FER1L6: variants seen among roughly 807,000 people sequenced by gnomAD.
FER1L6 encodes the protein fer-1-like protein 6.
A neutral mutation model predicts 219.2 loss-of-function variants in FER1L6; 177 were observed. The observed-to-expected ratio is 0.81, with a 90% confidence interval of 0.71 to 0.91. FER1L6 has a LOEUF of 0.91. Ranked by LOEUF, FER1L6 falls within the 40% of genes least tolerant of loss-of-function variation. The pLI, the probability that FER1L6 is intolerant of heterozygous loss-of-function variation, is 0.00. For synonymous variants in FER1L6, 768 were observed against 824.3 expected (o/e 0.93, Z 1.17); for missense variants, 2,153 against 2,259.9 (o/e 0.95, Z 0.96).
chr8:123,989,941 G>A (rs1354796584), intron 12 of FER1L6, among the ~76,000 whole-genome samples: 1 of 152,148 alleles, frequency 6.6e-6, no homozygotes, highest in East Asian at 1.9e-4. Flanking sequence ...TAGTAGGATT[G>A]CTGGATTGAA....
intron 20 of FER1L6, among the ~76,000 whole-genome samples, chr8:124,041,025 C>T (rs1819463896): frequency 1.3e-5 from 2 of 152,208 alleles, no homozygotes; most frequent in Admixed American, 6.5e-5. Flanking sequence ...TGAAAGGATT[C>T]CTAATCAGCA....
intron 35 of FER1L6, among the ~76,000 whole-genome samples, chr8:124,096,462 C>T (rs1483743441): frequency 1.3e-5 from 2 of 152,184 alleles, no homozygotes; most frequent in African/African-American, 4.8e-5. Flanking sequence ...CCTGCCCCAT[C>T]ATCCCAACCC....
intron 33 of FER1L6, 68 bp from the exon 34 acceptor site, chr8:124,091,355 C>T: frequency 7.7e-7 from 1 of 1,306,428 alleles, no homozygotes; most frequent in Non-Finnish European, 1.1e-6. Flanking sequence ...CTGAAAGAAA[C>T]TGCACAGATC....
rs1026442347 is a variant in FER1L6, at chr8:123,944,310, T to C, written c.-7-11682T>C. Among the ~76,000 whole-genome samples the C allele has an allele frequency of 4.0e-5, 6 of 148,980 alleles. No homozygotes were observed. The Admixed American group carries it at 4.0e-4, about 10-fold the overall frequency. On this transcript the variant is annotated intron_variant, in intron 1 of 40. Transcript: ENST00000522917. ...TTATATATATTATATATTTAATATA[T>C]ATTTAACACATAAATTCATCCATTT...
chr8:124,092,048 T>A (rs1300544950), intron 34 of FER1L6, among the ~76,000 whole-genome samples: 1 of 152,076 alleles, frequency 6.6e-6, no homozygotes, highest in African/African-American at 2.4e-5. Flanking sequence ...ATATCACTTA[T>A]AATCCCCAAG....
intron 1 of FER1L6, among the ~76,000 whole-genome samples, chr8:123,910,370 G>C (rs1316765100): frequency 6.6e-6 from 1 of 152,252 alleles, no homozygotes; most frequent in African/African-American, 2.4e-5. Context: ...GAAGGTGGCA[G>C]ATGGTGAGTT....
At chr8:124,097,479 C>T in intron 36 of FER1L6, 120 bp downstream of exon 36, 1 of 745,712 alleles carries the variant, frequency 1.3e-6, no homozygotes, top group Non-Finnish European at 2.2e-6. Flanking sequence ...ATCCACCCGG[C>T]CAGTTTTTCA....
At chr8:123,899,827 A>G (rs11781971) in intron 1 of FER1L6, among the ~76,000 whole-genome samples, 94,049 of 151,858 alleles carry the variant, frequency 0.62, 29,217 homozygotes, top group South Asian at 0.75. Flanking sequence ...TTTATTTCCG[A>G]GTTCTCTATT....
chr8:123,915,383 A>T (rs565572514), intron 1 of FER1L6, among the ~76,000 whole-genome samples: 1 of 152,198 alleles, frequency 6.6e-6, no homozygotes, highest in South Asian at 2.1e-4. Context: ...AAGGGTCTGG[A>T]CACTTTTTAA....
chr8:124,100,147 T>G (rs1357926915), intron 37 of FER1L6, among the ~76,000 whole-genome samples: 2 of 152,294 alleles, frequency 1.3e-5, no homozygotes, highest in African/African-American at 4.8e-5. Flanking sequence ...CCCTCCTCCC[T>G]GCCCTGGGAA....
Position 124,045,702 on chromosome 8 carries a change from T to C in FER1L6, c.2590-65T>C, listed in dbSNP as rs1050211330. ...TTCCCCTGTATAAGTATTTGATGAA[T>C]GAACCTTAGAGCCCCTATAACTCAA... On this transcript the variant is annotated intron_variant, in intron 20 of 40. Transcript: ENST00000522917. 9.7e-6 allele frequency: 15 copies of C among 1,554,222 alleles called. No individual in the cohort carries two copies. The African/African-American group carries it at 1.4e-4, about 14-fold the overall frequency.
At chr8:124,114,436 A>C (rs995855852) in intron 39 of FER1L6, among the ~76,000 whole-genome samples, 18 of 152,190 alleles carry the variant, frequency 1.2e-4, no homozygotes, top group African/African-American at 4.3e-4. Context: ...GTAGCAAAGA[A>C]GACTCCTAGC....
chr8:124,106,804 T>C (rs1356765764), intron 39 of FER1L6, among the ~76,000 whole-genome samples: 1 of 152,076 alleles, frequency 6.6e-6, no homozygotes, highest in Non-Finnish European at 1.5e-5. Flanking sequence ...GTCCAAAAAG[T>C]ATGTTTTTGC....
chr8:123,871,129 G>A (rs553812199), intron 1 of FER1L6, among the ~76,000 whole-genome samples: 59 of 152,292 alleles, frequency 3.9e-4, no homozygotes, highest in African/African-American at 1.4e-3. Flanking sequence ...AATCCATTTG[G>A]TAACGGATTA....
At chr8:123,961,854 G>A (rs1006783878) in intron 2 of FER1L6, among the ~76,000 whole-genome samples, 3 of 151,216 alleles carry the variant, frequency 2.0e-5, no homozygotes, top group Non-Finnish European at 2.9e-5. Context: ...CGAGTCTATG[G>A]TCTGTGTTTT....
chr8:123,907,397 A>C (rs1812973451), intron 1 of FER1L6, among the ~76,000 whole-genome samples: 1 of 152,066 alleles, frequency 6.6e-6, no homozygotes, highest in Admixed American at 6.5e-5. Context: ...GGCCCATGCC[A>C]TGCTTCCTTA....
At chr8:124,031,806 T>G (rs190418076) in intron 18 of FER1L6, among the ~76,000 whole-genome samples, 11 of 152,274 alleles carry the variant, frequency 7.2e-5, no homozygotes, top group Admixed American at 1.3e-4. Flanking sequence ...GGGGCAGACA[T>G]GTAACCAGGC....
chr8:124,062,401 A>G (rs1163896636), intron 25 of FER1L6, among the ~76,000 whole-genome samples: 1 of 152,164 alleles, frequency 6.6e-6, no homozygotes, highest in Non-Finnish European at 1.5e-5. Context: ...TCACTGGTCT[A>G]TTCAAAGATT....
chr8:124,071,132 T>C (rs1821050971), intron 30 of FER1L6, among the ~76,000 whole-genome samples: 1 of 152,204 alleles, frequency 6.6e-6, no homozygotes, highest in Non-Finnish European at 1.5e-5. Flanking sequence ...AACAAAGTGC[T>C]TCACTTCCCT....
Sources: gnomAD v4.1 joint callset for allele counts (sites outside exome capture counted in the v4.1 genomes callset) on GRCh38, gnomAD v4.1.1 for gene constraint, MANE v1.5 for transcripts, NCBI Gene and HGNC (gene_info 2026-07-23, HGNC 2026-07-21) for gene names.